Variants in RIMS2 observed in about 807,000 individuals in gnomAD.
RIMS2 encodes the protein regulating synaptic membrane exocytosis protein 2.
Under a neutral mutation model 174.4 loss-of-function variants are expected in RIMS2, and 59 were observed. That is an observed-to-expected ratio of 0.34 (90% CI 0.27 to 0.42). The LOEUF (loss-of-function observed/expected upper bound fraction) is 0.42. Among genes scored for constraint, RIMS2 ranks in the 10% least tolerant of loss-of-function variants. The probability of loss-of-function intolerance (pLI) is 1.00; values close to 1 mark genes in which losing one functional copy is unlikely to be tolerated. For synonymous variants in RIMS2, 606 were observed against 572.5 expected (o/e 1.06, Z -0.84); for missense variants, 1,620 against 1,666.3 (o/e 0.97, Z 0.48).
intron 19 of RIMS2, among the ~76,000 whole-genome samples, chr8:104,049,258 T>C (rs914732700): frequency 6.6e-6 from 1 of 151,594 alleles, no homozygotes; most frequent in African/African-American, 2.4e-5. Flanking sequence ...CCATCTCTAC[T>C]AAAAATACAA....
chr8:103,689,816 G>A (rs1040529103), intron 1 of RIMS2, among the ~76,000 whole-genome samples: 4 of 152,090 alleles, frequency 2.6e-5, no homozygotes, highest in Non-Finnish European at 1.5e-5. Context: ...ATCTTGAATA[G>A]AAAGATTCCT....
chr8:103,602,175 G>A (rs531251536), intron 1 of RIMS2, among the ~76,000 whole-genome samples: 2 of 152,184 alleles, frequency 1.3e-5, no homozygotes, highest in African/African-American at 2.4e-5. Context: ...ATTTAGTAGA[G>A]ACGGGGTTTC....
chr8:103,847,035 C>G (rs2098971459), intron 3 of RIMS2, among the ~76,000 whole-genome samples: 1 of 152,108 alleles, frequency 6.6e-6, no homozygotes, highest in Non-Finnish European at 1.5e-5. Context: ...GGGTCAATTA[C>G]TAATGCCAGT....
chr8:103,530,373 A>C (rs149760252), intron 1 of RIMS2, among the ~76,000 whole-genome samples: 1 of 152,150 alleles, frequency 6.6e-6, no homozygotes, highest in Non-Finnish European at 1.5e-5. Flanking sequence ...TTGGAGGCAA[A>C]TAGCAAGTAG....
At chr8:104,092,139 C>T (rs1262783364) in intron 19 of RIMS2, among the ~76,000 whole-genome samples, 2 of 151,742 alleles carry the variant, frequency 1.3e-5, no homozygotes, top group African/African-American at 4.8e-5. Context: ...AAACAATCAA[C>T]AGATCACTTA....
intron 19 of RIMS2, among the ~76,000 whole-genome samples, chr8:104,203,791 A>G (rs2099066900): frequency 6.6e-6 from 1 of 152,206 alleles, no homozygotes; most frequent in African/African-American, 2.4e-5. Context: ...GGTGTGAGCC[A>G]CAGTGCCTGA....
chr8:103,661,055 T>C (rs1182740293), intron 1 of RIMS2, among the ~76,000 whole-genome samples: 2 of 152,242 alleles, frequency 1.3e-5, no homozygotes, highest in African/African-American at 4.8e-5. Context: ...TCCTTTTGCC[T>C]AGCACCACTA....
At chr8:103,915,247 T>G (rs2076439774) in intron 6 of RIMS2, among the ~76,000 whole-genome samples, 1 of 152,082 alleles carries the variant, frequency 6.6e-6, no homozygotes, top group African/African-American at 2.4e-5. Context: ...TTATGTTGTT[T>G]CTAAGTTATG....
intron 1 of RIMS2, among the ~76,000 whole-genome samples, chr8:103,651,064 C>T (rs1037858159): frequency 2.6e-5 from 4 of 152,190 alleles, no homozygotes; most frequent in African/African-American, 4.8e-5. Flanking sequence ...GCCGCTCTGC[C>T]GAAACCTCAC....
At chr8:103,924,029 G>A (rs1245779266) in intron 10 of RIMS2, among the ~76,000 whole-genome samples, 5 of 151,354 alleles carry the variant, frequency 3.3e-5, no homozygotes, top group Non-Finnish European at 4.4e-5. Context: ...CACTATTATA[G>A]GTTATCTTGC....
chr8:103,887,163 A>G (rs2099208110), intron 4 of RIMS2, among the ~76,000 whole-genome samples: 1 of 151,772 alleles, frequency 6.6e-6, no homozygotes, highest in African/African-American at 2.4e-5. Context: ...ATTTGATTGT[A>G]AAGTTGAATG....
chr8:103,578,983 C>CT (rs964248060), intron 1 of RIMS2, among the ~76,000 whole-genome samples: 1 of 79,300 alleles, frequency 1.3e-5, no homozygotes, highest in Non-Finnish European at 2.5e-5. Flanking sequence ...GAGCAAGACT[C>CT]TGTCTCAAAA....
chr8:103,565,220 C>A (rs1471859457), intron 1 of RIMS2, among the ~76,000 whole-genome samples: 1 of 152,168 alleles, frequency 6.6e-6, no homozygotes, highest in African/African-American at 2.4e-5. Flanking sequence ...CGTACAGCAA[C>A]TCTCTTTAGC....
intron 3 of RIMS2, among the ~76,000 whole-genome samples, chr8:103,850,770 G>A (rs961818634): frequency 3.9e-5 from 6 of 151,994 alleles, no homozygotes; most frequent in African/African-American, 1.2e-4. Flanking sequence ...TAATGTGAAT[G>A]ACTGAAATGT....
chr8:104,068,988 C>G lies in RIMS2; in HGVS notation c.3334+54373C>G, dbSNP rs1439897404. Among the ~76,000 whole-genome samples, 3 of 151,970 alleles carry G rather than the reference C, an allele frequency of 2.0e-5. No individual in the cohort carries two copies. The South Asian group carries it at 6.2e-4, about 32-fold the overall frequency. On this transcript the variant is annotated intron_variant, in intron 19 of 23. Transcript: ENST00000504942. Reference sequence around the variant, plus strand: ...CTGGTTTATTACTGAATTATTGGAACAAAATACAAATGGTGCCTGCCTTAT... The same window carrying G: ...CTGGTTTATTACTGAATTATTGGAAGAAAATACAAATGGTGCCTGCCTTAT...
intron 19 of RIMS2, among the ~76,000 whole-genome samples, chr8:104,233,191 A>T (rs1225560988): frequency 6.6e-6 from 1 of 152,176 alleles, no homozygotes; most frequent in East Asian, 1.9e-4. Flanking sequence ...TTGTTTTTTC[A>T]TATAGAGCAT....
At chr8:104,002,514 G>A (rs541385603) in intron 17 of RIMS2, among the ~76,000 whole-genome samples, 19 of 152,176 alleles carry the variant, frequency 1.2e-4, no homozygotes, top group Middle Eastern at 3.4e-3. Context: ...CTTTTTTATT[G>A]AGAGCTGTGG....
intron 1 of RIMS2, among the ~76,000 whole-genome samples, chr8:103,682,622 GAA>G (rs2096893618): frequency 1.3e-5 from 2 of 152,088 alleles, no homozygotes; most frequent in African/African-American, 4.8e-5. Flanking sequence ...TCTTGGCAAG[GAA>G]CGTCAATTAA....
chr8:104,172,910 C>G (rs1387225762), intron 19 of RIMS2, among the ~76,000 whole-genome samples: 1 of 152,158 alleles, frequency 6.6e-6, no homozygotes, highest in East Asian at 1.9e-4. Flanking sequence ...TTTCCAAACT[C>G]CAAAAGGAGT....
Sources: gnomAD v4.1 joint callset for allele counts (sites outside exome capture counted in the v4.1 genomes callset) on GRCh38, gnomAD v4.1.1 for gene constraint, MANE v1.5 for transcripts, NCBI Gene and HGNC (gene_info 2026-07-23, HGNC 2026-07-21) for gene names.